ROBO1: variants seen among roughly 807,000 people sequenced by gnomAD.
ROBO1 encodes roundabout homolog 1.
A neutral mutation model predicts 195.9 loss-of-function variants in ROBO1; 149 were observed. The observed-to-expected ratio is 0.76, with a 90% CI of 0.67 to 0.87. The LOEUF is 0.87. ROBO1 is among the 40% of genes least tolerant of loss of function. The probability of loss-of-function intolerance (pLI) is 0.00; values close to 1 mark genes in which losing one functional copy is unlikely to be tolerated. For synonymous variants in ROBO1, 816 were observed against 733.2 expected (o/e 1.11, Z -1.82); for missense variants, 1,933 against 2,068.3 (o/e 0.93, Z 1.27).
intron 4 of ROBO1, among the ~76,000 whole-genome samples, chr3:78,815,141 C>T (rs761621065): frequency 6.6e-6 from 1 of 151,976 alleles, no homozygotes; most frequent in Non-Finnish European, 1.5e-5. Context: ...CCCTGAGACA[C>T]AAAAATACTG....
At chr3:78,730,860 A>G (rs1253965578) in intron 5 of ROBO1, among the ~76,000 whole-genome samples, 1 of 152,210 alleles carries the variant, frequency 6.6e-6, no homozygotes, top group Non-Finnish European at 1.5e-5. Context: ...AGAGGAAGCA[A>G]GTAGGCTAAT....
intron 4 of ROBO1, among the ~76,000 whole-genome samples, chr3:78,927,786 A>C (rs562565811): frequency 6.6e-6 from 1 of 152,210 alleles, no homozygotes; most frequent in African/African-American, 2.4e-5. Context: ...ATGTGGACTT[A>C]TGTATGAGAA....
chr3:78,986,286 A>T (rs779009368), intron 3 of ROBO1, among the ~76,000 whole-genome samples: 15 of 152,198 alleles, frequency 9.9e-5, no homozygotes, highest in Non-Finnish European at 2.1e-4. Context: ...GGAATGAAAG[A>T]GTTAATGTAT....
chr3:78,808,377 G>A (rs949230265), intron 4 of ROBO1, among the ~76,000 whole-genome samples: 1 of 151,954 alleles, frequency 6.6e-6, no homozygotes, highest in African/African-American at 2.4e-5. Flanking sequence ...GCTAATTTTT[G>A]TATTTTTAGT....
At chr3:79,752,124 G>A (rs769176283) in intron 1 of ROBO1, among the ~76,000 whole-genome samples, 10 of 152,238 alleles carry the variant, frequency 6.6e-5, no homozygotes, top group East Asian at 1.9e-4. Flanking sequence ...CACCATGGAA[G>A]CAACAGGGGA....
At chr3:79,756,269 G>T (rs930261015) in intron 1 of ROBO1, among the ~76,000 whole-genome samples, 3 of 151,976 alleles carry the variant, frequency 2.0e-5, no homozygotes, top group Non-Finnish European at 4.4e-5. Flanking sequence ...TACACATATT[G>T]GGCTGGGTGC....
intron 2 of ROBO1, among the ~76,000 whole-genome samples, chr3:79,418,689 T>C (rs946802246): frequency 2.6e-5 from 4 of 152,110 alleles, no homozygotes; most frequent in Admixed American, 2.6e-4. Flanking sequence ...AAGAGAAAGA[T>C]AGATACATAC....
intron 3 of ROBO1, among the ~76,000 whole-genome samples, chr3:78,990,715 A>G (rs2077217835): frequency 6.6e-6 from 1 of 152,190 alleles, no homozygotes. Flanking sequence ...CTTTATTAAA[A>G]TTTAAAGAAC....
intron 2 of ROBO1, among the ~76,000 whole-genome samples, chr3:79,350,696 C>G (rs1559837483): frequency 1.3e-5 from 2 of 152,108 alleles, no homozygotes; most frequent in African/African-American, 2.4e-5. Flanking sequence ...CACAAAACAC[C>G]TATATATGAT....
chr3:78,624,118 A>T lies in ROBO1; in HGVS notation c.3875+3203T>A, dbSNP rs1438135137. 2.0e-5 allele frequency among the ~76,000 whole-genome samples: 3 copies of T among 152,312 alleles called. No homozygotes were observed. In the East Asian group the frequency reaches 5.8e-4, roughly 29 times the overall value. On this transcript the variant is annotated intron_variant, in intron 26 of 30. Transcript: ENST00000464233. ...AATAAAAAGATAACAACGTGAAAAA[A>T]TGCTGTTCAGTGAAAAGGGTAGTTT...
At chr3:78,642,978 T>C (rs779885846) in intron 21 of ROBO1, among the ~76,000 whole-genome samples, 1 of 152,166 alleles carries the variant, frequency 6.6e-6, no homozygotes, top group Non-Finnish European at 1.5e-5. Context: ...TTTTTACTTA[T>C]AGGTGACATC....
At chr3:78,859,877 A>T (rs529416610) in intron 4 of ROBO1, among the ~76,000 whole-genome samples, 2 of 152,088 alleles carry the variant, frequency 1.3e-5, no homozygotes, top group African/African-American at 4.8e-5. Context: ...TCAGGAGATC[A>T]GGACCATCCT....
chr3:79,113,573 G>A (rs2079933608), intron 3 of ROBO1, among the ~76,000 whole-genome samples: 1 of 152,000 alleles, frequency 6.6e-6, no homozygotes, highest in Non-Finnish European at 1.5e-5. Context: ...TTCGAGTCCA[G>A]CCTGACCAAC....
At chr3:79,658,467 CT>C (rs1339331395) in intron 1 of ROBO1, among the ~76,000 whole-genome samples, 6 of 152,170 alleles carry the variant, frequency 3.9e-5, no homozygotes, top group African/African-American at 1.4e-4. Flanking sequence ...CACATTTTTG[CT>C]TTCCAACAAA....
chr3:79,687,068 C>A (rs1947139053), intron 1 of ROBO1, among the ~76,000 whole-genome samples: 1 of 152,148 alleles, frequency 6.6e-6, no homozygotes, highest in South Asian at 2.1e-4. Context: ...TGCCGCTTAT[C>A]TACAACCGTC....
intron 5 of ROBO1, 55 bp from the exon 6 acceptor site, chr3:78,717,938 A>G (rs201192639): frequency 1.3e-5 from 21 of 1,562,370 alleles, no homozygotes; most frequent in Non-Finnish European, 1.8e-5. Flanking sequence ...CTATGTTTAC[A>G]TGACAGATGT....
chr3:79,574,228 T>C (rs1943373358), intron 2 of ROBO1, among the ~76,000 whole-genome samples: 1 of 152,130 alleles, frequency 6.6e-6, no homozygotes, highest in South Asian at 2.1e-4. Context: ...TTCCTCATTT[T>C]AATACAGCAC....
chr3:78,659,872 A>T (rs2107660403), intron 16 of ROBO1, 65 bp from the exon 17 acceptor site: 1 of 1,362,772 alleles, frequency 7.3e-7, no homozygotes, highest in Non-Finnish European at 1.0e-6. Flanking sequence ...GCAGGTAATT[A>T]ATATCAAACC....
chr3:78,614,808 GAAA>G lies in ROBO1; in HGVS notation c.4283-11_4283-9del. 3.2e-5 allele frequency: 37 copies of G among 1,157,078 alleles called. No homozygotes were observed. Among genetic ancestry groups the G allele is most frequent in the East Asian group, 6.1e-5 (2 of 32,830 alleles). 71.7% of individuals were successfully genotyped at this position (1,157,078 alleles called of 1,614,324 possible). ...CATGAAAATGTCGACGGCCTAAGGA[GAAA>G]AAAAAAAAAAATCCAAGCCAAACTC... On this transcript the variant is annotated splice_polypyrimidine_tract_variant and intron_variant, in intron 27 of 30. Coordinates refer to ENST00000464233, the MANE Select transcript of ROBO1 (RefSeq NM_002941.4).
Sources: allele counts gnomAD v4.1 joint callset (sites outside exome capture counted in the v4.1 genomes callset), GRCh38; gene constraint gnomAD v4.1.1; transcripts MANE v1.5; gene names NCBI Gene and HGNC (gene_info 2026-07-23, HGNC 2026-07-21).